The following PPARD variants were observed in gnomAD, a reference collection of about 807,000 sequenced individuals.
PPARD encodes the protein peroxisome proliferator-activated receptor delta.
Under a neutral mutation model 39.5 loss-of-function variants are expected in PPARD, and 6 were observed. The observed-to-expected ratio is 0.15, with a 90% CI of 0.08 to 0.30. The LOEUF is 0.30. Among genes scored for constraint, PPARD ranks in the 10% least tolerant of loss-of-function variants. PPARD has a pLI of 1.00. For synonymous variants in PPARD, 210 were observed against 231.3 expected (o/e 0.91, Z 0.83); for missense variants, 397 against 596.8 (o/e 0.67, Z 3.49).
At chr6:35,420,056 G>A in intron 3 of PPARD, 71 bp from the exon 4 acceptor site, 1 of 1,553,108 alleles carries the variant, frequency 6.4e-7, no homozygotes. Flanking sequence ...CGAGGGCTGT[G>A]GGGCTGTTCC....
intron 2 of PPARD, among the ~76,000 whole-genome samples, chr6:35,376,393 GT>G (rs1388891566): frequency 1.3e-5 from 2 of 151,616 alleles, no homozygotes; most frequent in African/African-American, 2.4e-5. Flanking sequence ...TTCTTGTGTA[GT>G]TTCTTTGAGA....
intron 2 of PPARD, among the ~76,000 whole-genome samples, chr6:35,399,310 G>T (rs1426971962): frequency 6.7e-6 from 1 of 149,912 alleles, no homozygotes; most frequent in African/African-American, 2.5e-5. Context: ...TGAGACAGGA[G>T]AATCACTTGA....
At chr6:35,397,036 A>G (rs1764369100) in intron 2 of PPARD, among the ~76,000 whole-genome samples, 2 of 151,980 alleles carry the variant, frequency 1.3e-5, no homozygotes, top group East Asian at 1.9e-4. Flanking sequence ...TCCAGAGGCA[A>G]TTTCCTCCTC....
chr6:35,347,104 A>C lies in PPARD; in HGVS notation c.-148A>C, dbSNP rs554558979. On this transcript the variant is annotated 5_prime_UTR_variant, in exon 2 of 8. Transcript: ENST00000360694. ...TTTTGGGCATGCACGTGATACTCAC[A>C]CAGTGGCTTCTGCTCACCAACAGAT... The C allele has an allele frequency of 6.5e-7, 1 of 1,536,160 alleles. No homozygotes were observed. Among genetic ancestry groups the C allele is most frequent in the East Asian group, 2.4e-5 (1 of 40,914 alleles).
intron 3 of PPARD, among the ~76,000 whole-genome samples, chr6:35,416,640 C>T (rs978618280): frequency 6.6e-6 from 1 of 152,144 alleles, no homozygotes; most frequent in African/African-American, 2.4e-5. Flanking sequence ...AGGACACCTG[C>T]TTACCCCCAC....
intron 1 of PPARD, among the ~76,000 whole-genome samples, chr6:35,343,963 T>A (rs1792019577): frequency 2.0e-5 from 3 of 151,364 alleles, no homozygotes; most frequent in Admixed American, 2.0e-4. Context: ...CAACCTTTTT[T>A]CTGTGTACTG....
At chr6:35,422,024 A>G in intron 5 of PPARD, 66 bp downstream of exon 5, 2 of 1,518,568 alleles carry the variant, frequency 1.3e-6, no homozygotes, top group Admixed American at 4.1e-5. Flanking sequence ...AGGTCCAGGG[A>G]GCCCTTGGGG....
rs540687692 is a variant in PPARD at position 35,377,871 on chromosome 6, C to CTTTTTTTTTTT, written c.-102+30722_-102+30732dup. Among the ~76,000 whole-genome samples the CTTTTTTTTTTT allele has an allele frequency of 1.0e-4, 12 of 120,358 alleles. 2 individuals are homozygous for CTTTTTTTTTTT. The East Asian group carries it at 1.1e-3, about 12-fold the overall frequency. 79.0% of individuals were successfully genotyped at this position (120,358 alleles called of 152,430 possible). ...TGTGGGTCGCTGCTTGTTTACGTAT[C>CTTTTTTTTTTT]TTTTTTTTTTTGAGACAGAGTGTTG... On this transcript the variant is annotated intron_variant, in intron 2 of 7. Coordinates refer to ENST00000360694, the MANE Select transcript of PPARD (RefSeq NM_006238.5).
intron 2 of PPARD, among the ~76,000 whole-genome samples, chr6:35,352,264 A>G (rs1222577552): frequency 6.7e-6 from 1 of 148,322 alleles, no homozygotes; most frequent in African/African-American, 2.5e-5. Context: ...GCTCACTGCA[A>G]CCTCCGCCTC....
chr6:35,350,918 C>T (rs1041797232), intron 2 of PPARD, among the ~76,000 whole-genome samples: 4 of 152,204 alleles, frequency 2.6e-5, no homozygotes, highest in Admixed American at 6.5e-5. Flanking sequence ...TGAGCCACCG[C>T]GCCTGGGCGA....
At chr6:35,398,302 T>C (rs927596511) in intron 2 of PPARD, among the ~76,000 whole-genome samples, 2 of 152,064 alleles carry the variant, frequency 1.3e-5, no homozygotes, top group Non-Finnish European at 2.9e-5. Flanking sequence ...GGGACCAGGG[T>C]CATAGCAGTA....
intron 2 of PPARD, among the ~76,000 whole-genome samples, chr6:35,392,209 A>T (rs1764048727): frequency 6.6e-6 from 1 of 151,262 alleles, no homozygotes; most frequent in Non-Finnish European, 1.5e-5. Context: ...CCGCACCAGC[A>T]GCTCTCCTCT....
intron 2 of PPARD, among the ~76,000 whole-genome samples, chr6:35,350,781 A>G (rs776191378): frequency 2.0e-5 from 3 of 151,612 alleles, no homozygotes; most frequent in Non-Finnish European, 2.9e-5. Context: ...ATGTGTCACC[A>G]TGCCTGGCTA....
At chr6:35,411,976 T>C (rs1765460876) in intron 3 of PPARD, among the ~76,000 whole-genome samples, 1 of 152,220 alleles carries the variant, frequency 6.6e-6, no homozygotes, top group African/African-American at 2.4e-5. Flanking sequence ...TTGCCCAGAC[T>C]AGAGTGCAGT....
At chr6:35,374,319 G>GT (rs1363732402) in intron 2 of PPARD, among the ~76,000 whole-genome samples, 1 of 149,510 alleles carries the variant, frequency 6.7e-6, no homozygotes, top group African/African-American at 2.5e-5. Flanking sequence ...GGGGCGGGGG[G>GT]GTTTAGTGGG....
intron 1 of PPARD, among the ~76,000 whole-genome samples, chr6:35,345,137 C>G (rs973531676): frequency 6.6e-6 from 1 of 152,204 alleles, no homozygotes; most frequent in Non-Finnish European, 1.5e-5. Context: ...AAGGCCAGTC[C>G]TTGTGGAGCA....
At chr6:35,396,209 C>A (rs1332808282) in intron 2 of PPARD, among the ~76,000 whole-genome samples, 1 of 151,394 alleles carries the variant, frequency 6.6e-6, no homozygotes, top group African/African-American at 2.4e-5. Context: ...TCTTCTTCTT[C>A]TTCTTTTTTT....
At chr6:35,423,054 CA>C (rs56317397) in intron 5 of PPARD, among the ~76,000 whole-genome samples, 5 of 71,718 alleles carry the variant, frequency 7.0e-5, no homozygotes, top group Non-Finnish European at 9.6e-5. Flanking sequence ...CTCATCTCTA[CA>C]AAAAAAAAAA....
chr6:35,376,400 T>G (rs1283225972), intron 2 of PPARD, among the ~76,000 whole-genome samples: 1 of 152,222 alleles, frequency 6.6e-6, no homozygotes, highest in Non-Finnish European at 1.5e-5. Context: ...GTAGTTTCTT[T>G]GAGACTGTCT....
Sources: allele counts gnomAD v4.1 joint callset (sites outside exome capture counted in the v4.1 genomes callset), GRCh38; gene constraint gnomAD v4.1.1; transcripts MANE v1.5; gene names NCBI Gene and HGNC (gene_info 2026-07-23, HGNC 2026-07-21).